The following TMEM131 variants were observed in gnomAD, a reference collection of about 807,000 sequenced individuals.
TMEM131 encodes the protein transmembrane protein 131.
TMEM131 carries 66 observed loss-of-function variants against 211.6 expected under a neutral mutation model. The ratio of observed to expected loss-of-function variants is 0.31; its 90% CI spans 0.26 to 0.38. The LOEUF (loss-of-function observed/expected upper bound fraction) is 0.38, where lower values mean the gene tolerates loss of function less well. TMEM131 is among the 10% of genes least tolerant of loss of function. The pLI, the probability that TMEM131 is intolerant of heterozygous loss-of-function variation, is 1.00. For missense variants in TMEM131, 2,036 were observed against 2,299.3 expected, an observed-to-expected ratio of 0.89 and a Z score of 2.34; for synonymous variants, 844 against 841.3, an observed-to-expected ratio of 1.00 and a Z score of -0.06.
At chr2:97,766,687 A>T in intron 33 of TMEM131, 85 bp from the exon 34 acceptor site, 1 of 1,505,256 alleles carries the variant, frequency 6.6e-7, no homozygotes, top group East Asian at 2.3e-5. Flanking sequence ...TTCTTCTACA[A>T]TACAACTGCA....
At chr2:97,786,156 G>A (rs571630109) in intron 31 of TMEM131, among the ~76,000 whole-genome samples, 1 of 152,248 alleles carries the variant, frequency 6.6e-6, no homozygotes, top group South Asian at 2.1e-4. Context: ...TTTGCAATGT[G>A]TTACCATTGG....
chr2:97,950,073 C>G (rs1245631257), intron 1 of TMEM131, among the ~76,000 whole-genome samples: 1 of 152,008 alleles, frequency 6.6e-6, no homozygotes, highest in East Asian at 1.9e-4. Flanking sequence ...TGATGGCTAC[C>G]AATCTCATTA....
chr2:97,822,631 T>A (rs1682182942), intron 11 of TMEM131, among the ~76,000 whole-genome samples: 3 of 152,154 alleles, frequency 2.0e-5, no homozygotes. Flanking sequence ...TTTTCGAGAA[T>A]GTGTTGGTAA....
chr2:97,861,268 C>A (rs1313216543), intron 4 of TMEM131, among the ~76,000 whole-genome samples: 2 of 151,932 alleles, frequency 1.3e-5, no homozygotes, highest in Non-Finnish European at 2.9e-5. Context: ...ACTTGGGGGG[C>A]ATGCAACCTA....
At chr2:97,901,847 T>C (rs182159588) in intron 3 of TMEM131, among the ~76,000 whole-genome samples, 2 of 152,282 alleles carry the variant, frequency 1.3e-5, no homozygotes, top group East Asian at 3.9e-4. Context: ...TATACAGTTA[T>C]TAACAGACAG....
At chr2:97,951,453 G>C (rs1472177609) in intron 1 of TMEM131, among the ~76,000 whole-genome samples, 1 of 152,060 alleles carries the variant, frequency 6.6e-6, no homozygotes, top group African/African-American at 2.4e-5. Context: ...CCCGTGGCTT[G>C]TTCTACAGTC....
Position 97,802,767 on chromosome 2 carries a change from T to C in TMEM131, c.2426A>G (p.Asn809Ser). Residue 809 changes from asparagine to serine, a missense_variant, in exon 23 of 41, where the codon AAT (asparagine) becomes AGT (serine). Asn to Ser is a conservative substitution (Grantham distance 46). Transcript: ENST00000186436. ...GHRLSAIFEV[N>S]TDLQKNIISK... is the part of the protein sequence containing the mutation. ...TATTATATTTTTTTGAAGGTCTGTA[T>C]TTACTTCAAATATAGCACTCAATCT... 6.4e-7 allele frequency: 1 copy of C among 1,566,072 alleles called. No individual in the cohort carries two copies. The highest frequency in any genetic ancestry group is 1.2e-5 in the South Asian group (1 of 83,278).
intron 1 of TMEM131, among the ~76,000 whole-genome samples, chr2:97,982,172 G>C (rs932446717): frequency 6.6e-6 from 1 of 152,128 alleles, no homozygotes. Flanking sequence ...CAATGTCTCC[G>C]CACCCTTGCC....
rs201306476 is a variant in TMEM131, at chr2:97,954,098, T to G, written c.188-26611A>C. ...CACATTAATAATCTCTGTCCCCTAC[T>G]TTAAGAAACTAGAAAAAGTAGAGCA... On this transcript the variant is annotated intron_variant, in intron 1 of 40. Coordinates refer to ENST00000186436, the MANE Select transcript of TMEM131 (RefSeq NM_015348.2). Among the ~76,000 whole-genome samples the G allele has an allele frequency of 1.1e-4, 17 of 152,242 alleles. No homozygotes were observed. In the East Asian group the frequency reaches 3.3e-3, roughly 29 times the overall value.
At position 97,888,100 on chromosome 2, in the gene TMEM131, T is replaced by A; in HGVS notation, c.311A>T (p.Asn104Ile). Residue 104 changes from asparagine to isoleucine, a missense_variant, in exon 4 of 41, where the codon AAT becomes ATT. This residue lies in a region of TMEM131 where 277 missense variants were observed against 378.0 expected (regional missense o/e 0.73). Transcript: ENST00000186436. ...QQKSISLYRG[N>I]CRPIRFEPPM... is the part of the protein sequence containing the mutation. The stretch of plus-strand genomic sequence containing the variant: ...TGGCTCAAATCGTATGGGCCTGCAA[T>A]TCCCCCGGTAGAGAGATATACTGTA... The A allele has an allele frequency of 6.2e-7, 1 of 1,613,614 alleles. No individual in the cohort carries two copies. Among genetic ancestry groups the A allele is most frequent in the Non-Finnish European group, 8.5e-7 (1 of 1,179,638 alleles).
At chr2:97,868,653 G>A (rs962566951) in intron 4 of TMEM131, among the ~76,000 whole-genome samples, 2 of 152,030 alleles carry the variant, frequency 1.3e-5, no homozygotes, top group African/African-American at 4.8e-5. Flanking sequence ...CACATTATGA[G>A]GTCCACAATC....
At chr2:97,863,893 G>GA (rs1283230348) in intron 4 of TMEM131, among the ~76,000 whole-genome samples, 1 of 152,084 alleles carries the variant, frequency 6.6e-6, no homozygotes, top group Non-Finnish European at 1.5e-5. Context: ...CAAAATAAAG[G>GA]AAATCAGTAT....
chr2:97,840,482 T>C (rs763914670), intron 7 of TMEM131, among the ~76,000 whole-genome samples: 1 of 152,156 alleles, frequency 6.6e-6, no homozygotes, highest in Non-Finnish European at 1.5e-5. Context: ...CTCGGCACTT[T>C]GGGAAGCTAA....
At chr2:97,941,973 G>A (rs531199157) in intron 1 of TMEM131, among the ~76,000 whole-genome samples, 36 of 152,166 alleles carry the variant, frequency 2.4e-4, no homozygotes, top group East Asian at 9.7e-4. Flanking sequence ...TCCCATTACC[G>A]GGTATATACC....
chr2:97,811,551 C>G (rs1040129145), intron 17 of TMEM131, among the ~76,000 whole-genome samples: 1 of 152,184 alleles, frequency 6.6e-6, no homozygotes, highest in African/African-American at 2.4e-5. Flanking sequence ...AGGGACACAG[C>G]CTTCCACCAA....
intron 31 of TMEM131, among the ~76,000 whole-genome samples, chr2:97,781,182 T>C (rs144330906): frequency 2.6e-4 from 40 of 152,274 alleles, no homozygotes; most frequent in Admixed American, 1.4e-3. Flanking sequence ...CCTAAGCACC[T>C]AAGGGCAGGG....
intron 3 of TMEM131, 110 bp downstream of exon 3, chr2:97,908,548 T>C: frequency 1.3e-6 from 1 of 744,852 alleles, no homozygotes. Flanking sequence ...TGATTTACAA[T>C]TTGCTATTCC....
chr2:97,925,645 G>T (rs906758002), intron 2 of TMEM131, among the ~76,000 whole-genome samples: 43 of 152,124 alleles, frequency 2.8e-4, no homozygotes, highest in African/African-American at 9.7e-4. Context: ...GTACTTACTG[G>T]ACACTGAATT....
intron 23 of TMEM131, 54 bp from the exon 24 acceptor site, chr2:97,802,591 A>C (rs1439459638): frequency 6.2e-7 from 1 of 1,603,988 alleles, no homozygotes; most frequent in Non-Finnish European, 8.5e-7. Flanking sequence ...TAAAGCTAAG[A>C]GTAAATACTT....
Sources: allele counts gnomAD v4.1 joint callset (sites outside exome capture counted in the v4.1 genomes callset), GRCh38; gene constraint gnomAD v4.1.1; regional missense constraint gnomAD v4.1.1; transcripts MANE v1.5; gene names NCBI Gene and HGNC (gene_info 2026-07-23, HGNC 2026-07-21).